The following TSTD2 variants were observed in gnomAD, a reference collection of about 807,000 sequenced individuals.
TSTD2 encodes thiosulfate sulfurtransferase/rhodanese-like domain-containing protein 2.
In TSTD2, 37 loss-of-function variants were observed where a neutral mutation model predicts 47.9. That is an observed-to-expected ratio of 0.77 (90% CI 0.59 to 1.02). The LOEUF (loss-of-function observed/expected upper bound fraction) is 1.02, where lower values mean the gene tolerates loss of function less well. Ranked by LOEUF, TSTD2 falls within the 50% of genes least tolerant of loss-of-function variation. The pLI is 0.00. For synonymous variants in TSTD2, 201 were observed against 215.9 expected, an observed-to-expected ratio of 0.93 and a Z score of 0.61; for missense variants, 586 against 616.0, an observed-to-expected ratio of 0.95 and a Z score of 0.52.
chr9:97,633,166 C>A (rs1216102742), intron 1 of TSTD2, 77 bp downstream of exon 1: 2 of 154,460 alleles, frequency 1.3e-5, no homozygotes, highest in Admixed American at 1.3e-4. Context: ...ACCCCGCATG[C>A]CGAGCTTGGC....
chr9:97,622,593 C>T (rs887574909), intron 3 of TSTD2, among the ~76,000 whole-genome samples: 2 of 152,102 alleles, frequency 1.3e-5, no homozygotes, highest in Non-Finnish European at 2.9e-5. Context: ...CACCGTGTGC[C>T]GAAAAGATGC....
At chr9:97,608,888 C>G (rs1361900821) in intron 6 of TSTD2, among the ~76,000 whole-genome samples, 1 of 152,162 alleles carries the variant, frequency 6.6e-6, no homozygotes, top group African/African-American at 2.4e-5. Flanking sequence ...AGACTTCTTT[C>G]AAAACTTTAC....
intron 4 of TSTD2, among the ~76,000 whole-genome samples, chr9:97,613,980 C>A (rs574706270): frequency 6.6e-5 from 10 of 152,202 alleles, no homozygotes; most frequent in Admixed American, 6.5e-4. Context: ...AGGTGCCCGC[C>A]ACCACGCCCG....
intron 1 of TSTD2, 149 bp downstream of exon 1, chr9:97,633,094 T>A (rs562401008): frequency 6.5e-6 from 1 of 153,250 alleles, no homozygotes; most frequent in East Asian, 1.9e-4. Flanking sequence ...CACGCTCGCG[T>A]CAGGGCCGGC....
chr9:97,619,586 C>T (rs1826598680), intron 3 of TSTD2, among the ~76,000 whole-genome samples: 1 of 151,956 alleles, frequency 6.6e-6, no homozygotes, highest in Admixed American at 6.6e-5. Flanking sequence ...TGTGATCTTC[C>T]TGCCTTGGCC....
At chr9:97,617,717 A>G in intron 4 of TSTD2, 40 bp downstream of exon 4, 1 of 1,576,922 alleles carries the variant, frequency 6.3e-7, no homozygotes, top group South Asian at 1.2e-5. Flanking sequence ...GGCAGGCAAG[A>G]TGGACCCAGT....
At chr9:97,631,324 T>C (rs1237994028) in intron 1 of TSTD2, among the ~76,000 whole-genome samples, 1 of 151,812 alleles carries the variant, frequency 6.6e-6, no homozygotes, top group Non-Finnish European at 1.5e-5. Context: ...GGTTTCACCA[T>C]GTTGGCCAGG....
rs150216498 is a variant in TSTD2 at position 97,607,092 on chromosome 9, A to G, written c.836-831T>C. 9.5e-3 allele frequency among the ~76,000 whole-genome samples: 1,453 copies of G among 152,234 alleles called. 19 individuals carry two copies. Among genetic ancestry groups the G allele is most frequent in the African/African-American group, 0.034 (1,404 of 41,542 alleles). On this transcript the variant is annotated intron_variant, in intron 6 of 9. Transcript: ENST00000341170. ...GATGCAGGAGGACCCCTTGAGCCCA[A>G]GAGATCAAGGCCTCAGTGAGCTATG...
chr9:97,623,614 C>T (rs60028882), intron 3 of TSTD2, among the ~76,000 whole-genome samples: 17,986 of 152,204 alleles, frequency 0.12, 3,018 homozygotes, highest in African/African-American at 0.37. Context: ...AATCCCAGCA[C>T]TTGGGAGGCC....
intron 2 of TSTD2, 27 bp downstream of exon 2, chr9:97,627,371 A>G: frequency 1.3e-6 from 2 of 1,573,332 alleles, no homozygotes; most frequent in African/African-American, 1.4e-5. Context: ...CACATACATG[A>G]TCATGAAACA....
chr9:97,607,544 C>A (rs950434497), intron 6 of TSTD2, among the ~76,000 whole-genome samples: 6 of 152,288 alleles, frequency 3.9e-5, no homozygotes, highest in African/African-American at 1.4e-4. Flanking sequence ...AGGCCAGATT[C>A]TATATAAGGT....
chr9:97,601,085 C>T lies in TSTD2; in HGVS notation c.*1384G>A, dbSNP rs757888514. ...AGTACAGGGTAACTGGAGGCGGGGC[C>T]AGGGCCTCAGCGCTATGGAAGAGTG... On this transcript the variant is annotated 3_prime_UTR_variant, in exon 10 of 10. Transcript: ENST00000341170. 7.7e-7 allele frequency: 1 copy of T among 1,304,276 alleles called. No individual in the cohort carries two copies. Among genetic ancestry groups the T allele is most frequent in the Non-Finnish European group, 1.0e-6 (1 of 988,956 alleles). The allele number at this position is 1,304,276 out of a possible 1,614,324, so 80.8% of individuals were successfully genotyped here. A position where few individuals can be genotyped will look rare whatever the true frequency, so the allele number is the denominator to read the frequency against.
At chr9:97,611,501 ACTC>A in intron 5 of TSTD2, 70 bp downstream of exon 5, 1 of 1,481,818 alleles carries the variant, frequency 6.7e-7, no homozygotes, top group Non-Finnish European at 9.1e-7. Flanking sequence ...TCTACTTTGA[ACTC>A]CTCTTCAATA....
At chr9:97,613,921 C>A (rs1328257017) in intron 4 of TSTD2, among the ~76,000 whole-genome samples, 2 of 151,734 alleles carry the variant, frequency 1.3e-5, no homozygotes, top group African/African-American at 4.9e-5. Flanking sequence ...CTCCGCCTCC[C>A]AGGTTCACAC....
chr9:97,609,130 A>G (rs1156925920), intron 6 of TSTD2, among the ~76,000 whole-genome samples: 1 of 152,236 alleles, frequency 6.6e-6, no homozygotes, highest in East Asian at 1.9e-4. Context: ...TTAGCATGAA[A>G]AAAAGTAAAC....
In TSTD2 at chr9:97,606,254, A is replaced by G. The variant is rs1564006088; in HGVS notation, c.843T>C (p.His281=). Residue 281 remains histidine, a synonymous_variant, in exon 7 of 10, where the codon CAT becomes CAC. Coordinates refer to ENST00000341170, the MANE Select transcript of TSTD2 (RefSeq NM_139246.5). The part of the protein sequence containing the change: ...KKISYKKPGI[H]LSPGEFHKEV... ...CTTTATGAAATTCACCTGGGGATAA[A>G]TGGATTCCTAAAACCAAACCAAAAA... The G allele has an allele frequency of 6.3e-7, 1 of 1,592,726 alleles. No individual in the cohort carries two copies. The highest frequency in any genetic ancestry group is 2.2e-5 in the East Asian group (1 of 44,694).
intron 1 of TSTD2, among the ~76,000 whole-genome samples, chr9:97,632,021 A>G (rs1404861533): frequency 1.3e-5 from 2 of 152,152 alleles, no homozygotes; most frequent in Non-Finnish European, 2.9e-5. Context: ...TATCAGCGCC[A>G]AGAGAGCAGG....
intron 3 of TSTD2, among the ~76,000 whole-genome samples, chr9:97,619,487 A>G (rs1339731263): frequency 6.6e-6 from 1 of 152,064 alleles, no homozygotes; most frequent in African/African-American, 2.4e-5. Flanking sequence ...AGAATAGTAA[A>G]TATGTATTAC....
intron 4 of TSTD2, among the ~76,000 whole-genome samples, chr9:97,615,320 T>C (rs1826526922): frequency 6.6e-6 from 1 of 152,230 alleles, no homozygotes; most frequent in Non-Finnish European, 1.5e-5. Context: ...GAAAGGCAGA[T>C]ATCATAATCC....
Sources: gnomAD v4.1 joint callset for allele counts (sites outside exome capture counted in the v4.1 genomes callset) on GRCh38, gnomAD v4.1.1 for gene constraint, MANE v1.5 for transcripts, NCBI Gene and HGNC (gene_info 2026-07-23, HGNC 2026-07-21) for gene names.